The following XPO6 variants were observed in gnomAD, a reference collection of about 807,000 sequenced individuals.
XPO6 encodes the protein exportin 6, also known as exportin-6.
A neutral mutation model predicts 130.0 loss-of-function variants in XPO6; 3 were observed. That is an observed-to-expected ratio of 0.02 (90% CI 0.01 to 0.06). The LOEUF (loss-of-function observed/expected upper bound fraction) is 0.06, where lower values mean the gene tolerates loss of function less well. Ranked by LOEUF, XPO6 falls within the 10% of genes least tolerant of loss-of-function variation. The pLI is 1.00. For synonymous variants in XPO6, 524 were observed against 548.9 expected (o/e 0.95, Z 0.63); for missense variants, 970 against 1,393.0 (o/e 0.70, Z 4.83).
chr16:28,211,616 G>A lies in XPO6; in HGVS notation c.-248C>T, dbSNP rs1400198338. On this transcript the variant is annotated 5_prime_UTR_variant, in exon 1 of 24. Coordinates refer to ENST00000304658, the MANE Select transcript of XPO6 (RefSeq NM_015171.4). ...CCTCCCCAAGGAAACTGAAAAAGCA[G>A]GAAATGAGGCTCGGATGCCGGCGAG... is the stretch of plus-strand genomic sequence containing the variant. The A allele has an allele frequency of 2.6e-6, 1 of 391,040 alleles. No homozygotes were observed. Among genetic ancestry groups the A allele is most frequent in the Middle Eastern group, 6.3e-4 (1 of 1,584 alleles). 24.2% of individuals were successfully genotyped at this position (391,040 alleles called of 1,614,324 possible). A position where few individuals can be genotyped will look rare whatever the true frequency, so the allele number is the denominator to read the frequency against.
At chr16:28,183,797 G>A (rs2043653730) in intron 1 of XPO6, among the ~76,000 whole-genome samples, 1 of 152,160 alleles carries the variant, frequency 6.6e-6, no homozygotes, top group South Asian at 2.1e-4. Flanking sequence ...AGGTTTAAGG[G>A]CTTTCTCCCA....
chr16:28,151,566 A>G (rs1347918725), intron 8 of XPO6, among the ~76,000 whole-genome samples: 2 of 152,144 alleles, frequency 1.3e-5, no homozygotes, highest in Non-Finnish European at 2.9e-5. Context: ...AAACGAGGGG[A>G]AGTGATTGGA....
chr16:28,137,872 C>A (rs553199142), intron 9 of XPO6, among the ~76,000 whole-genome samples: 1 of 152,234 alleles, frequency 6.6e-6, no homozygotes, highest in Admixed American at 6.5e-5. Flanking sequence ...CCTCCCCACT[C>A]CCTCTCTATC....
chr16:28,209,416 G>T (rs1417411681), intron 1 of XPO6, among the ~76,000 whole-genome samples: 2 of 152,194 alleles, frequency 1.3e-5, no homozygotes, highest in African/African-American at 4.8e-5. Context: ...GAGGCGGGTG[G>T]ATCACCTGAG....
chr16:28,203,236 A>G (rs1325680367), intron 1 of XPO6, among the ~76,000 whole-genome samples: 1 of 151,666 alleles, frequency 6.6e-6, no homozygotes, highest in Non-Finnish European at 1.5e-5. Context: ...TGATTGCTCC[A>G]CTGCACACCA....
chr16:28,153,659 C>A, intron 7 of XPO6: 2 of 985,316 alleles, frequency 2.0e-6, no homozygotes, highest in South Asian at 9.4e-5. Context: ...CCCCTAAATA[C>A]CAAAAGGTGA....
At chr16:28,202,501 G>A (rs955646355) in intron 1 of XPO6, among the ~76,000 whole-genome samples, 1 of 152,156 alleles carries the variant, frequency 6.6e-6, no homozygotes, top group Non-Finnish European at 1.5e-5. Flanking sequence ...AGGGAATGGA[G>A]GGAAAGGTCA....
At chr16:28,134,533 G>T (rs1007623201) in intron 10 of XPO6, among the ~76,000 whole-genome samples, 1 of 152,188 alleles carries the variant, frequency 6.6e-6, no homozygotes, top group Non-Finnish European at 1.5e-5. Flanking sequence ...CATGCCCAAG[G>T]TTGCAGAGCT....
Position 28,190,190 on chromosome 16 carries a change from T to G in XPO6, c.4-9159A>C, listed in dbSNP as rs575159821. Among the ~76,000 whole-genome samples, 9 of 152,016 alleles carry G rather than the reference T, an allele frequency of 5.9e-5. No homozygotes were observed. In the East Asian group the frequency reaches 1.4e-3, roughly 23 times the overall value. ...ATAAAAACAAGACTCATCAATCAGC[T>G]ACCAATGGAGAGGTGCACCAGTTTC... is the stretch of plus-strand genomic sequence containing the variant. On this transcript the variant is annotated intron_variant, in intron 1 of 23. Coordinates refer to ENST00000304658, the MANE Select transcript of XPO6 (RefSeq NM_015171.4).
In XPO6 at chr16:28,106,331, C is replaced by A; in HGVS notation, c.2612+52G>T. ...AAAAAGCCACACTTTGTCGCCAGAC[C>A]CACCACTTCTCCCTTGAATCTGAAA... On this transcript the variant is annotated intron_variant, in intron 19 of 23. Coordinates refer to ENST00000304658, the MANE Select transcript of XPO6 (RefSeq NM_015171.4). This position sits in a 1 kb window ranked among gnomAD's most constrained non-coding sequence, Gnocchi z 4.2. The A allele has an allele frequency of 3.1e-6, 5 of 1,607,028 alleles. No homozygotes were observed. The Admixed American group carries it at 8.3e-5, about 27-fold the overall frequency.
intron 1 of XPO6, among the ~76,000 whole-genome samples, chr16:28,186,213 T>C (rs2043689149): frequency 1.3e-5 from 2 of 152,052 alleles, no homozygotes; most frequent in Non-Finnish European, 2.9e-5. Context: ...TGCAGGTTTG[T>C]ACCTTCTCCC....
chr16:28,197,982 A>C (rs904667317), intron 1 of XPO6, among the ~76,000 whole-genome samples: 1 of 129,664 alleles, frequency 7.7e-6, no homozygotes, highest in African/African-American at 2.6e-5. Flanking sequence ...AAAAAAAAAA[A>C]AAAAAAACCC....
In XPO6 at chr16:28,176,057, C is replaced by T; in HGVS notation, c.246G>A (p.Gln82=). The change falls in exon 4 of 24, where the codon CAG becomes CAA. Residue 82 remains glutamine, a synonymous_variant. Transcript: ENST00000304658. ...INKMWLGVPS[Q]DKMEIRSCLP... is the part of the protein sequence containing the mutation. The stretch of plus-strand genomic sequence containing the variant: ...GACAGCTACGGATTTCCATCTTATC[C>T]TGAGATGGGACCCCAAGCCACATTT... The T allele has an allele frequency of 2.5e-6, 4 of 1,614,154 alleles. No individual in the cohort carries two copies. The South Asian group carries it at 3.3e-5, about 13-fold the overall frequency.
At chr16:28,114,799 G>C (rs1374316830) in intron 15 of XPO6, among the ~76,000 whole-genome samples, 1 of 152,202 alleles carries the variant, frequency 6.6e-6, no homozygotes, top group South Asian at 2.1e-4. Flanking sequence ...GCCCACAGTA[G>C]AACTTCTTTC....
intron 20 of XPO6, among the ~76,000 whole-genome samples, chr16:28,105,439 G>A (rs1379967797): frequency 6.6e-6 from 1 of 152,122 alleles, no homozygotes; most frequent in African/African-American, 2.4e-5. Context: ...GACACCAGGG[G>A]CCACAAGCAT....
intron 16 of XPO6, among the ~76,000 whole-genome samples, 191 bp downstream of exon 16, chr16:28,112,713 A>C (rs1185318198): frequency 3.3e-5 from 5 of 152,242 alleles, no homozygotes; most frequent in Non-Finnish European, 7.3e-5. Flanking sequence ...CAGCACACTG[A>C]CTGCCTGCCT....
chr16:28,135,480 G>A (rs576802577), intron 9 of XPO6, among the ~76,000 whole-genome samples, 156 bp from the exon 10 acceptor site: 1 of 152,266 alleles, frequency 6.6e-6, no homozygotes, highest in East Asian at 1.9e-4. Context: ...TGGTACGTGT[G>A]TGCGCCCATG....
At chr16:28,104,176 C>T (rs1180913724) in intron 21 of XPO6, among the ~76,000 whole-genome samples, 1 of 152,210 alleles carries the variant, frequency 6.6e-6, no homozygotes, top group Non-Finnish European at 1.5e-5. Context: ...CTGGGGCCCT[C>T]CTGCGGAGAC....
At chr16:28,122,629 G>A (rs1412712288) in intron 13 of XPO6, among the ~76,000 whole-genome samples, 2 of 151,480 alleles carry the variant, frequency 1.3e-5, no homozygotes, top group Non-Finnish European at 2.9e-5. Context: ...TGTTTGTTTT[G>A]TTTTGTTTTG....
Sources: gnomAD v4.1 joint callset for allele counts (sites outside exome capture counted in the v4.1 genomes callset) on GRCh38, gnomAD v4.1.1 for gene constraint, Gnocchi (gnomAD v3.1) non-coding constraint, MANE v1.5 for transcripts, NCBI Gene and HGNC (gene_info 2026-07-23, HGNC 2026-07-21) for gene names.